IL1RAPL1: variants seen among roughly 807,000 people sequenced by gnomAD.
IL1RAPL1 encodes interleukin-1 receptor accessory protein-like 1.
A neutral mutation model predicts 48.4 loss-of-function variants in IL1RAPL1; 3 were observed. That is an observed-to-expected ratio of 0.06 (90% confidence interval 0.03 to 0.16). IL1RAPL1 has a LOEUF of 0.16. IL1RAPL1 is among the 10% of genes least tolerant of loss of function. The pLI, the probability that IL1RAPL1 is intolerant of heterozygous loss-of-function variation, is 1.00. For synonymous variants in IL1RAPL1, 185 were observed against 187.7 expected (o/e 0.99, Z 0.12); for missense variants, 349 against 530.6 (o/e 0.66, Z 3.36).
Position 29,439,990 on chromosome X carries a change from CGT to C in IL1RAPL1, c.703+40716_703+40717del, listed in dbSNP as rs60967823. ...AGGACTCAACCTTATCAATTTGACA[CGT>C]GTGTGTGTGTGTGTGTGTGTGTGTG... is the stretch of plus-strand genomic sequence containing the variant. On this transcript the variant is annotated intron_variant, in intron 5 of 10. Coordinates refer to ENST00000378993, the MANE Select transcript of IL1RAPL1 (RefSeq NM_014271.4). 6.8e-3 allele frequency among the ~76,000 whole-genome samples: 662 copies of C among 96,699 alleles called. 4 individuals carry two copies. Among genetic ancestry groups the C allele is most frequent in the Middle Eastern group, 0.027 (5 of 188 alleles). The allele number at this position is 96,699 out of a possible 115,157, so 84.0% of individuals were successfully genotyped here.
intron 1 of IL1RAPL1, among the ~76,000 whole-genome samples, chrX:28,727,195 C>A (rs901641733): frequency 4.5e-5 from 5 of 110,298 alleles, no homozygotes; most frequent in Non-Finnish European, 9.5e-5. Context: ...TTGTTTGTGT[C>A]CTCTTTTATT....
At chrX:29,645,149 T>C (rs1222587639) in intron 5 of IL1RAPL1, among the ~76,000 whole-genome samples, 2 of 112,683 alleles carry the variant, frequency 1.8e-5, no homozygotes, top group Non-Finnish European at 3.7e-5. Context: ...CAAATTTATC[T>C]TGTAAACATA....
At chrX:29,162,071 G>C (rs982033632) in intron 2 of IL1RAPL1, among the ~76,000 whole-genome samples, 6 of 111,703 alleles carry the variant, frequency 5.4e-5, no homozygotes, top group Non-Finnish European at 1.1e-4. Context: ...AATGGATGAA[G>C]CTGGAAGCCA....
At chrX:29,223,681 G>A (rs1333676753) in intron 2 of IL1RAPL1, among the ~76,000 whole-genome samples, 2 of 108,703 alleles carry the variant, frequency 1.8e-5, no homozygotes, top group Non-Finnish European at 3.8e-5. Context: ...AGTAGGTGGG[G>A]TTACAGGTGC....
rs1374755798 is a variant in IL1RAPL1, at chrX:29,909,718, A to G, written c.779-7746A>G. 3.6e-5 allele frequency among the ~76,000 whole-genome samples: 4 copies of G among 111,899 alleles called. No homozygotes were observed. The Admixed American group carries it at 3.8e-4, about 11-fold the overall frequency. ...TATTGTTAAAATGGCCATACTGCCC[A>G]AAACAGTTTAAAGTTTCAGTGCTAT... is the stretch of plus-strand genomic sequence containing the variant. On this transcript the variant is annotated intron_variant, in intron 6 of 10. Transcript: ENST00000378993.
intron 2 of IL1RAPL1, among the ~76,000 whole-genome samples, chrX:29,229,912 A>T (rs1401970700): frequency 8.9e-6 from 1 of 112,424 alleles, no homozygotes; most frequent in Non-Finnish European, 1.9e-5. Context: ...CAGTACTTGC[A>T]AACTGTGTGA....
chrX:29,116,546 A>G (rs1008375506), intron 2 of IL1RAPL1, among the ~76,000 whole-genome samples: 2 of 111,924 alleles, frequency 1.8e-5, no homozygotes, highest in African/African-American at 3.2e-5. Context: ...TATTGGTGAA[A>G]TATTAGCAAG....
At chrX:29,242,255 A>G (rs1161841946) in intron 2 of IL1RAPL1, among the ~76,000 whole-genome samples, 1 of 112,588 alleles carries the variant, frequency 8.9e-6, no homozygotes, top group Non-Finnish European at 1.9e-5. Flanking sequence ...GTTTTACTCA[A>G]TATAGTTTTA....
chrX:29,359,676 T>C (rs1392318029), intron 3 of IL1RAPL1, among the ~76,000 whole-genome samples: 1 of 111,981 alleles, frequency 8.9e-6, no homozygotes, highest in East Asian at 2.8e-4. Flanking sequence ...ATGCTCTTCA[T>C]AGGATCCCTC....
chrX:28,793,386 C>T (rs1601906080), intron 2 of IL1RAPL1, among the ~76,000 whole-genome samples: 1 of 101,161 alleles, frequency 9.9e-6, no homozygotes, highest in Admixed American at 1.0e-4. Flanking sequence ...TCCTTCCTTC[C>T]TTCCTTTCTT....
At chrX:29,659,302 A>G (rs942322777) in intron 5 of IL1RAPL1, among the ~76,000 whole-genome samples, 1 of 112,260 alleles carries the variant, frequency 8.9e-6, no homozygotes, top group Non-Finnish European at 1.9e-5. Flanking sequence ...AGAAAATGTG[A>G]TATTTTTCTT....
intron 1 of IL1RAPL1, among the ~76,000 whole-genome samples, chrX:28,616,910 A>G (rs1934226766): frequency 8.9e-6 from 1 of 112,441 alleles, no homozygotes; most frequent in African/African-American, 3.2e-5. Flanking sequence ...GAGAATGCAT[A>G]GAGAGCTAAA....
At chrX:29,738,525 A>G (rs1176216194) in intron 6 of IL1RAPL1, among the ~76,000 whole-genome samples, 7 of 86,955 alleles carry the variant, frequency 8.1e-5, no homozygotes, top group African/African-American at 3.2e-4. Context: ...GGCTCACTGC[A>G]GCCTCGATTT....
chrX:28,850,574 C>G (rs745361437), intron 2 of IL1RAPL1, among the ~76,000 whole-genome samples: 1 of 111,112 alleles, frequency 9.0e-6, no homozygotes, highest in Non-Finnish European at 1.9e-5. Context: ...AGACCCACAT[C>G]GAGGTGAGAT....
intron 1 of IL1RAPL1, among the ~76,000 whole-genome samples, chrX:28,682,388 A>G (rs1490624910): frequency 9.0e-6 from 1 of 110,859 alleles, no homozygotes; most frequent in Non-Finnish European, 1.9e-5. Context: ...GGCTCACTGC[A>G]ACCTCCACCT....
In IL1RAPL1 at chrX:29,112,410, C is replaced by T. The variant is rs999488216; in HGVS notation, c.83-170528C>T. On this transcript the variant is annotated intron_variant, in intron 2 of 10. Coordinates refer to ENST00000378993, the MANE Select transcript of IL1RAPL1 (RefSeq NM_014271.4). ...TTCTTCTGTAATGTTAATACATTTT[C>T]TGTTTATCTTTATAATCTACCAGGA... Among the ~76,000 whole-genome samples the T allele has an allele frequency of 2.8e-5, 3 of 108,702 alleles. No homozygotes were observed. In the Admixed American group the frequency reaches 3.0e-4, roughly 11 times the overall value. 94.4% of individuals were successfully genotyped at this position (108,702 alleles called of 115,157 possible). A position where few individuals can be genotyped will look rare whatever the true frequency, so the allele number is the denominator to read the frequency against.
intron 5 of IL1RAPL1, among the ~76,000 whole-genome samples, chrX:29,606,030 AT>A (rs1923881201): frequency 8.9e-6 from 1 of 112,045 alleles, no homozygotes; most frequent in South Asian, 3.7e-4. Context: ...ACCTAAATCT[AT>A]TTTGCAGTTT....
chrX:29,465,258 C>T (rs1430067684), intron 5 of IL1RAPL1, among the ~76,000 whole-genome samples: 1 of 110,084 alleles, frequency 9.1e-6, no homozygotes, highest in East Asian at 2.9e-4. Context: ...ATACAAAAAT[C>T]AGCCAGGCAT....
chrX:29,080,999 TCTCTCTCTC>T (rs1569232815), intron 2 of IL1RAPL1, among the ~76,000 whole-genome samples: 2 of 61,647 alleles, frequency 3.2e-5, no homozygotes, highest in African/African-American at 1.4e-4. Flanking sequence ...TTTCTTTCTC[TCTCTCTCTC>T]TCTCTCTCTC....
Sources: gnomAD v4.1 joint callset for allele counts (sites outside exome capture counted in the v4.1 genomes callset) on GRCh38, gnomAD v4.1.1 for gene constraint, MANE v1.5 for transcripts, NCBI Gene and HGNC (gene_info 2026-07-23, HGNC 2026-07-21) for gene names.